SRGAP3: variants seen among roughly 807,000 people sequenced by gnomAD.
SRGAP3 encodes SLIT-ROBO Rho GTPase-activating protein 3.
SRGAP3 carries 39 observed loss-of-function variants against 121.1 expected under a neutral mutation model. The ratio of observed to expected loss-of-function variants is 0.32; its 90% CI spans 0.25 to 0.42. The LOEUF is 0.42. Ranked by LOEUF, SRGAP3 falls within the 10% of genes least tolerant of loss-of-function variation. SRGAP3 has a pLI of 1.00. For missense variants in SRGAP3, 1,213 were observed against 1,470.6 expected (o/e 0.82, Z 2.86); for synonymous variants, 601 against 570.0 (o/e 1.05, Z -0.77).
chr3:9,119,106 G>C (rs577969346), intron 2 of SRGAP3, among the ~76,000 whole-genome samples: 1 of 152,300 alleles, frequency 6.6e-6, no homozygotes, highest in Admixed American at 6.5e-5. Context: ...TTGTCCAAAG[G>C]AGGACAGACA....
intron 5 of SRGAP3, among the ~76,000 whole-genome samples, chr3:9,062,510 C>A (rs1356645886): frequency 2.0e-5 from 3 of 152,164 alleles, no homozygotes; most frequent in Non-Finnish European, 2.9e-5. Flanking sequence ...AAATGCTGCA[C>A]CCATTCACAG....
intron 1 of SRGAP3, among the ~76,000 whole-genome samples, chr3:9,184,844 CA>C (rs1005008274): frequency 2.6e-5 from 4 of 152,126 alleles, no homozygotes; most frequent in African/African-American, 9.7e-5. Flanking sequence ...CCATCCCTTT[CA>C]GGTATAAATC....
chr3:9,334,397 A>T (rs1353978927), intron 1 of SRGAP3, among the ~76,000 whole-genome samples: 1 of 152,134 alleles, frequency 6.6e-6, no homozygotes, highest in Admixed American at 6.6e-5. Flanking sequence ...CGAAAAATAT[A>T]ATACAATGTG....
intron 14 of SRGAP3, among the ~76,000 whole-genome samples, chr3:9,024,111 C>T (rs886915056): frequency 4.6e-5 from 7 of 152,132 alleles, no homozygotes; most frequent in African/African-American, 1.4e-4. Context: ...GAGGTCTGCT[C>T]AGAGTACAGC....
intron 18 of SRGAP3, among the ~76,000 whole-genome samples, chr3:8,997,625 CTCACTAAGCT>C (rs1445589953): frequency 6.6e-6 from 1 of 152,158 alleles, no homozygotes; most frequent in Non-Finnish European, 1.5e-5. Context: ...CTGCTCTTGC[CTCACTAAGCT>C]TCTTGATGTT....
chr3:9,356,218 G>A (rs1343618462), intron 1 of SRGAP3, among the ~76,000 whole-genome samples: 2 of 138,180 alleles, frequency 1.4e-5, no homozygotes, highest in African/African-American at 5.6e-5. Context: ...TTTTGAGACA[G>A]GATCTCACTG....
At chr3:9,059,705 C>T in intron 6 of SRGAP3, 1 of 208,974 alleles carries the variant, frequency 4.8e-6, no homozygotes, top group South Asian at 8.4e-5. Flanking sequence ...GTGTTCCGTT[C>T]TCCATTTGCT....
intron 3 of SRGAP3, among the ~76,000 whole-genome samples, chr3:9,101,066 T>G (rs1195529461): frequency 6.6e-6 from 1 of 152,222 alleles, no homozygotes; most frequent in Non-Finnish European, 1.5e-5. Context: ...TCAGGACCTG[T>G]GAGTGAAAAC....
rs117312782 is a variant in SRGAP3, at chr3:9,359,638, G to A, written n.214+3202C>T. Among the ~76,000 whole-genome samples the A allele has an allele frequency of 3.9e-4, 59 of 152,274 alleles. 2 individuals carry two copies. The East Asian group carries it at 0.011, about 28-fold the overall frequency. On this transcript the variant is annotated intron_variant and non_coding_transcript_variant, in intron 1 of 3. Transcript: ENST00000490889. ...GCCCTCTCTGGAATAGATGCCTTACGACCACAATCAGATTAGAGTCTTGCC... is the reference window on the plus strand; with the variant it reads ...GCCCTCTCTGGAATAGATGCCTTACAACCACAATCAGATTAGAGTCTTGCC...
chr3:8,994,390 G>A lies in SRGAP3; in HGVS notation c.2361C>T (p.Asn787=), dbSNP rs758727642. The A allele has an allele frequency of 1.2e-5, 20 of 1,614,086 alleles. No homozygotes were observed. Among genetic ancestry groups the A allele is most frequent in the East Asian group, 1.1e-4 (5 of 44,904 alleles). Residue 787 remains asparagine, a synonymous_variant, in exon 19 of 22, where the codon AAC becomes AAT. Coordinates refer to ENST00000383836, the MANE Select transcript of SRGAP3 (RefSeq NM_014850.4). The part of the protein sequence containing the change: ...ASEDWWEGRH[N]GVDGLIPHQY... ...GATGGGGGATGAGTCCATCCACGCC[G>A]TTGTGCCGGCCCTCCCACCAGTCCT...
chr3:9,058,285 A>G lies in SRGAP3; in HGVS notation c.989T>C (p.Leu330Pro), dbSNP rs1560031520. Reference sequence around the variant, plus strand: ...CATGTGGGGCTGGAACTCGAACTTGAGTGGAGGGCAGAAGACTTGATTGCA... The same window carrying G: ...CATGTGGGGCTGGAACTCGAACTTGGGTGGAGGGCAGAAGACTTGATTGCA... ...DMCNQVFCPP[L>P]KFEFQPHMGD... is the part of the protein sequence containing the mutation. Residue 330 changes from leucine (L) to proline (P), a missense_variant, in exon 7 of 22, where the codon CTC (leucine) becomes CCC (proline). Around this residue, in one of 2 missense-constraint regions of SRGAP3, gnomAD observed 793 missense variants for 1,032.9 expected, o/e 0.77. Transcript: ENST00000383836. The G allele has an allele frequency of 6.2e-7, 1 of 1,614,208 alleles. No individual in the cohort carries two copies. Among genetic ancestry groups the G allele is most frequent in the East Asian group, 2.2e-5 (1 of 44,884 alleles).
At chr3:9,221,565 T>A (rs917852636) in intron 1 of SRGAP3, among the ~76,000 whole-genome samples, 9 of 152,188 alleles carry the variant, frequency 5.9e-5, no homozygotes, top group Admixed American at 2.6e-4. Flanking sequence ...TATGAAAAAA[T>A]TTTTTAAATA....
At chr3:9,014,091 A>C (rs1574909179) in intron 15 of SRGAP3, 3 of 546,976 alleles carry the variant, frequency 5.5e-6, no homozygotes, top group Non-Finnish European at 1.0e-5. Flanking sequence ...GGTTGTGAGA[A>C]ACCCACAGGG....
intron 2 of SRGAP3, 77 bp from the exon 3 acceptor site, chr3:9,104,919 A>G: frequency 1.3e-6 from 2 of 1,582,092 alleles, no homozygotes; most frequent in East Asian, 2.2e-5. Flanking sequence ...CACCCACTTC[A>G]GCTCTTTTAA....
intron 18 of SRGAP3, among the ~76,000 whole-genome samples, chr3:9,001,748 A>T (rs1942782250): frequency 6.6e-6 from 1 of 152,202 alleles, no homozygotes; most frequent in Non-Finnish European, 1.5e-5. Context: ...CTGGAACCAC[A>T]GGAAAGCTAG....
intron 6 of SRGAP3, chr3:9,058,708 C>A: frequency 4.3e-6 from 2 of 460,550 alleles, no homozygotes; most frequent in Non-Finnish European, 3.9e-6. Context: ...CCATCTTTCT[C>A]TCTCTCTTTT....
chr3:9,090,915 G>A (rs1947726951), intron 3 of SRGAP3, among the ~76,000 whole-genome samples: 1 of 152,156 alleles, frequency 6.6e-6, no homozygotes, highest in East Asian at 1.9e-4. Context: ...GGGATTACAG[G>A]CATGAGCCAC....
chr3:9,007,862 C>A (rs918825874), intron 18 of SRGAP3: 1 of 152,164 alleles, frequency 6.6e-6, no homozygotes, highest in Admixed American at 6.5e-5. Flanking sequence ...ACTGTCTCTG[C>A]AGCTCACTAT....
At chr3:9,004,521 A>G (rs1008892636) in intron 18 of SRGAP3, among the ~76,000 whole-genome samples, 1 of 152,230 alleles carries the variant, frequency 6.6e-6, no homozygotes, top group Non-Finnish European at 1.5e-5. Context: ...TTCAAAGCTT[A>G]CTACAAAGCA....
Sources: allele counts gnomAD v4.1 joint callset (sites outside exome capture counted in the v4.1 genomes callset), GRCh38; gene constraint gnomAD v4.1.1; regional missense constraint gnomAD v4.1.1; transcripts MANE v1.5; gene names NCBI Gene and HGNC (gene_info 2026-07-23, HGNC 2026-07-21).